The following CDK5RAP2 variants were observed in gnomAD, a reference collection of about 807,000 sequenced individuals.
CDK5RAP2 encodes CDK5 regulatory subunit associated protein 2.
Under a neutral mutation model 232.9 loss-of-function variants are expected in CDK5RAP2, and 147 were observed. The observed-to-expected ratio is 0.63, with a 90% CI of 0.55 to 0.72. The LOEUF is 0.72. CDK5RAP2 is among the 30% of genes least tolerant of loss of function. The pLI is 0.00. For missense variants in CDK5RAP2, 2,195 were observed against 2,231.5 expected (o/e 0.98, Z 0.33); for synonymous variants, 833 against 833.7 (o/e 1.00, Z 0.01).
chr9:120,549,245 G>A (rs1007877999), intron 4 of CDK5RAP2, among the ~76,000 whole-genome samples: 2 of 151,820 alleles, frequency 1.3e-5, no homozygotes, highest in Non-Finnish European at 2.9e-5. Context: ...TGTAAAAAGA[G>A]GGTTTATACA....
intron 12 of CDK5RAP2, among the ~76,000 whole-genome samples, chr9:120,503,788 C>T (rs1429053317): frequency 1.3e-5 from 2 of 152,132 alleles, no homozygotes; most frequent in Non-Finnish European, 2.9e-5. Flanking sequence ...TCTGTCCCCA[C>T]ATACAACCCC....
intron 16 of CDK5RAP2, among the ~76,000 whole-genome samples, chr9:120,470,438 G>A (rs930609759): frequency 1.3e-5 from 2 of 152,166 alleles, no homozygotes; most frequent in African/African-American, 4.8e-5. Context: ...TCAATGTATG[G>A]TTTCATCTTA....
chr9:120,401,740 T>C (rs904002269), intron 34 of CDK5RAP2, among the ~76,000 whole-genome samples: 22 of 152,272 alleles, frequency 1.4e-4, no homozygotes, highest in African/African-American at 5.3e-4. Context: ...TCCCAGCACT[T>C]TGGGAGGCCG....
chr9:120,491,253 T>A (rs555901985), intron 13 of CDK5RAP2, 54 bp downstream of exon 13: 7 of 1,298,166 alleles, frequency 5.4e-6, no homozygotes, highest in Middle Eastern at 2.0e-4. Flanking sequence ...AATTATTTTT[T>A]AAAAAAATCA....
chr9:120,415,355 CT>C (rs2034149932), intron 27 of CDK5RAP2, among the ~76,000 whole-genome samples, 196 bp from the exon 28 acceptor site: 1 of 152,196 alleles, frequency 6.6e-6, no homozygotes. Context: ...TAATGATTCT[CT>C]GCAGCCCTCC....
At chr9:120,422,149 G>A (rs576050210) in intron 26 of CDK5RAP2, among the ~76,000 whole-genome samples, 10 of 152,344 alleles carry the variant, frequency 6.6e-5, no homozygotes, top group South Asian at 4.1e-4. Flanking sequence ...AATCACTGAC[G>A]CTGGGATGTG....
At chr9:120,464,333 A>T (rs2037255231) in intron 18 of CDK5RAP2, among the ~76,000 whole-genome samples, 1 of 152,176 alleles carries the variant, frequency 6.6e-6, no homozygotes, top group Admixed American at 6.5e-5. Context: ...ACTCCATCAC[A>T]GCCCTCACCA....
At chr9:120,408,017 C>T in intron 31 of CDK5RAP2, 1 of 354,838 alleles carries the variant, frequency 2.8e-6, no homozygotes, top group Non-Finnish European at 5.4e-6. Flanking sequence ...CAACACAATT[C>T]TCCACACAAC....
intron 7 of CDK5RAP2, among the ~76,000 whole-genome samples, chr9:120,531,777 TAA>T (rs1428919340): frequency 6.6e-6 from 1 of 152,018 alleles, no homozygotes; most frequent in African/African-American, 2.4e-5. Context: ...GGGATGAAGG[TAA>T]AGAGGGAGAC....
At chr9:120,476,620 A>G (rs920108880) in intron 15 of CDK5RAP2, among the ~76,000 whole-genome samples, 2 of 151,094 alleles carry the variant, frequency 1.3e-5, no homozygotes, top group Non-Finnish European at 2.9e-5. Context: ...CGGAGGTTGC[A>G]GTGAGCCGAG....
chr9:120,431,940 C>T (rs552797267), intron 25 of CDK5RAP2, among the ~76,000 whole-genome samples: 56 of 152,312 alleles, frequency 3.7e-4, no homozygotes, highest in South Asian at 2.9e-3. Context: ...TAGACCCTCA[C>T]CCCAGAAAAA....
intron 15 of CDK5RAP2, 41 bp downstream of exon 15, chr9:120,477,309 G>T: frequency 7.2e-7 from 1 of 1,390,442 alleles, no homozygotes; most frequent in Non-Finnish European, 1.0e-6. Context: ...ATGTGTGTGT[G>T]TTCGCATTCA....
chr9:120,481,293 C>T (rs766797927), intron 14 of CDK5RAP2, among the ~76,000 whole-genome samples: 2 of 152,138 alleles, frequency 1.3e-5, no homozygotes, highest in African/African-American at 2.4e-5. Flanking sequence ...AAATATAATG[C>T]ATCTGGGTGC....
chr9:120,566,141 C>T (rs2042639456), intron 3 of CDK5RAP2, among the ~76,000 whole-genome samples: 3 of 152,154 alleles, frequency 2.0e-5, no homozygotes, highest in Admixed American at 1.3e-4. Context: ...TATGCATGCT[C>T]TTAAAATTAG....
chr9:120,515,693 C>T (rs753527386), intron 12 of CDK5RAP2, among the ~76,000 whole-genome samples: 4 of 152,232 alleles, frequency 2.6e-5, no homozygotes, highest in Non-Finnish European at 5.9e-5. Context: ...CCAACCCCAT[C>T]AAAAAGTGGG....
chr9:120,524,897 A>T lies in CDK5RAP2; in HGVS notation c.1092+89T>A, dbSNP rs1368118168. 3 of 915,052 alleles carry T rather than the reference A, an allele frequency of 3.3e-6. No homozygotes were observed. In the Admixed American group the frequency reaches 5.3e-5, roughly 16 times the overall value. 56.7% of individuals were successfully genotyped at this position (915,052 alleles called of 1,614,324 possible). On this transcript the variant is annotated intron_variant, in intron 11 of 37. Coordinates refer to ENST00000349780, the MANE Select transcript of CDK5RAP2 (RefSeq NM_018249.6). ...GACCACCCACAGTTTTCCTTATTAAAATCACCCAAGTTCTTTCAGCTGCAA... is the reference window on the plus strand; with the variant it reads ...GACCACCCACAGTTTTCCTTATTAATATCACCCAAGTTCTTTCAGCTGCAA...
chr9:120,563,539 T>C (rs1167595740), intron 3 of CDK5RAP2, among the ~76,000 whole-genome samples: 1 of 152,212 alleles, frequency 6.6e-6, no homozygotes, highest in African/African-American at 2.4e-5. Flanking sequence ...CCAAGCATCA[T>C]GCTAGGTGCT....
intron 12 of CDK5RAP2, among the ~76,000 whole-genome samples, chr9:120,494,577 G>A (rs1194715651): frequency 1.3e-5 from 2 of 151,822 alleles, no homozygotes; most frequent in Non-Finnish European, 2.9e-5. Flanking sequence ...GAGTAAAACA[G>A]TATCTGCAAG....
intron 28 of CDK5RAP2, among the ~76,000 whole-genome samples, chr9:120,414,631 C>G (rs1408732836): frequency 6.6e-6 from 1 of 152,114 alleles, no homozygotes; most frequent in East Asian, 1.9e-4. Context: ...AATGTCTTAC[C>G]TATGCCAGCG....
Sources: allele counts gnomAD v4.1 joint callset (sites outside exome capture counted in the v4.1 genomes callset), GRCh38; gene constraint gnomAD v4.1.1; transcripts MANE v1.5; gene names NCBI Gene and HGNC (gene_info 2026-07-23, HGNC 2026-07-21).